The following SOX5 variants were observed in gnomAD, a reference collection of about 807,000 sequenced individuals.
SOX5 encodes the protein transcription factor SOX-5.
In SOX5, 9 loss-of-function variants were observed where a neutral mutation model predicts 92.0. That is an observed-to-expected ratio of 0.10 (90% CI 0.06 to 0.17). The LOEUF is 0.17. Among genes scored for constraint, SOX5 ranks in the 10% least tolerant of loss-of-function variants. The pLI is 1.00. For synonymous variants in SOX5, 344 were observed against 336.3 expected, an observed-to-expected ratio of 1.02 and a Z score of -0.25; for missense variants, 642 against 944.5, an observed-to-expected ratio of 0.68 and a Z score of 4.20.
chr12:24,226,595 G>A (rs1184503879), intron 3 of SOX5, among the ~76,000 whole-genome samples: 1 of 151,902 alleles, frequency 6.6e-6, no homozygotes, highest in Non-Finnish European at 1.5e-5. Flanking sequence ...CTCAACCTCT[G>A]GAGTAACTGG....
At chr12:23,976,315 C>T (rs376437768) in intron 4 of SOX5, among the ~76,000 whole-genome samples, 13 of 146,186 alleles carry the variant, frequency 8.9e-5, no homozygotes, top group East Asian at 8.1e-4. Context: ...TGTGCAGTCC[C>T]GTAAAAGACC....
At chr12:24,190,660 C>T (rs1346085659) in intron 4 of SOX5, among the ~76,000 whole-genome samples, 1 of 152,158 alleles carries the variant, frequency 6.6e-6, no homozygotes, top group African/African-American at 2.4e-5. Flanking sequence ...TAGCAAAAGA[C>T]TCTTAGATAA....
chr12:24,429,845 A>G (rs902948706), intron 1 of SOX5, among the ~76,000 whole-genome samples: 2 of 152,204 alleles, frequency 1.3e-5, no homozygotes, highest in Admixed American at 1.3e-4. Flanking sequence ...AACATCCAAT[A>G]CAACAGGTTA....
intron 1 of SOX5, among the ~76,000 whole-genome samples, chr12:24,428,769 C>T (rs1967061725): frequency 1.0e-5 from 1 of 98,230 alleles, no homozygotes; most frequent in Admixed American, 1.1e-4. Flanking sequence ...AGCTAATTTC[C>T]TCATCATGTT....
chr12:23,616,971 A>C (rs1034771678), intron 8 of SOX5, among the ~76,000 whole-genome samples: 1 of 152,028 alleles, frequency 6.6e-6, no homozygotes, highest in Admixed American at 6.6e-5. Flanking sequence ...ACTTAAAAAT[A>C]AAATAAAATT....
At chr12:24,412,977 G>A (rs891113588) in intron 1 of SOX5, among the ~76,000 whole-genome samples, 3 of 151,892 alleles carry the variant, frequency 2.0e-5, no homozygotes, top group Admixed American at 6.6e-5. Context: ...GGATGGTCTC[G>A]ATCTCCTGAC....
intron 1 of SOX5, among the ~76,000 whole-genome samples, chr12:23,947,184 G>A (rs79718674): frequency 0.014 from 2,129 of 151,940 alleles, 62 homozygotes; most frequent in African/African-American, 0.049. Flanking sequence ...AATTTATTAT[G>A]TCCTCTAGAT....
intron 4 of SOX5, among the ~76,000 whole-genome samples, chr12:23,999,561 C>T (rs928634854): frequency 1.3e-5 from 2 of 152,026 alleles, no homozygotes; most frequent in Non-Finnish European, 2.9e-5. Context: ...TCACACTGTA[C>T]ACCTAGAATA....
At chr12:24,355,268 G>C in intron 2 of SOX5, among the ~76,000 whole-genome samples, 1 of 146,096 alleles carries the variant, frequency 6.8e-6, no homozygotes, top group East Asian at 2.0e-4. Context: ...TAGCAGGTGT[G>C]GTGAGGGGTG....
intron 9 of SOX5, among the ~76,000 whole-genome samples, chr12:23,589,273 A>G (rs929677289): frequency 4.6e-5 from 7 of 151,954 alleles, no homozygotes; most frequent in Non-Finnish European, 8.8e-5. Context: ...CTTTATTTGA[A>G]CTATCAATTA....
chr12:24,053,091 CT>C (rs1478803306), intron 4 of SOX5, among the ~76,000 whole-genome samples: 3 of 152,106 alleles, frequency 2.0e-5, no homozygotes, highest in African/African-American at 7.2e-5. Flanking sequence ...TTTTTCCACC[CT>C]TTGCTTCTTT....
intron 8 of SOX5, among the ~76,000 whole-genome samples, chr12:23,606,819 A>G (rs1472533451): frequency 2.6e-5 from 4 of 152,168 alleles, no homozygotes; most frequent in African/African-American, 9.6e-5. Flanking sequence ...ATTAAGGTGT[A>G]TCTGAGTTAA....
chr12:24,448,683 G>A (rs1210908011), intron 1 of SOX5, among the ~76,000 whole-genome samples: 1 of 152,120 alleles, frequency 6.6e-6, no homozygotes, highest in African/African-American at 2.4e-5. Flanking sequence ...ACTATTAACA[G>A]ATACTTTTGC....
At chr12:23,611,386 G>T (rs550121612) in intron 8 of SOX5, among the ~76,000 whole-genome samples, 1 of 144,362 alleles carries the variant, frequency 6.9e-6, no homozygotes, top group African/African-American at 2.5e-5. Flanking sequence ...GTGTGTGTGT[G>T]TGTGTGTGTA....
Position 23,722,976 on chromosome 12 carries a change from A to C in SOX5, c.810+11708T>G, listed in dbSNP as rs979801550. Among the ~76,000 whole-genome samples, 5 of 152,280 alleles carry C rather than the reference A, an allele frequency of 3.3e-5. 1 individual carries two copies. Among genetic ancestry groups the C allele is most frequent in the Admixed American group, 3.3e-4 (5 of 15,306 alleles). ...AGCATCCTCAATTAGGGGCGGATGA[A>C]GATATAAAGAAAACACATCCTAAAT... On this transcript the variant is annotated intron_variant, in intron 6 of 14. Coordinates refer to ENST00000451604, the MANE Select transcript of SOX5 (RefSeq NM_006940.6).
chr12:24,089,415 A>T (rs1020098133), intron 4 of SOX5, among the ~76,000 whole-genome samples: 2 of 152,122 alleles, frequency 1.3e-5, no homozygotes, highest in Non-Finnish European at 2.9e-5. Flanking sequence ...TGAATATTTT[A>T]ATGCCCTGCC....
At chr12:24,535,425 C>T (rs1288885292) in intron 1 of SOX5, among the ~76,000 whole-genome samples, 1 of 152,142 alleles carries the variant, frequency 6.6e-6, no homozygotes, top group Non-Finnish European at 1.5e-5. Context: ...GTGAGAAGAA[C>T]TAGGACAATA....
chr12:24,138,742 G>C (rs1286844079), intron 4 of SOX5, among the ~76,000 whole-genome samples: 3 of 152,146 alleles, frequency 2.0e-5, no homozygotes, highest in South Asian at 2.1e-4. Flanking sequence ...AGGCGAAAGA[G>C]CAGATAATAA....
intron 10 of SOX5, among the ~76,000 whole-genome samples, chr12:23,568,100 A>G (rs768736168): frequency 1.2e-4 from 19 of 152,302 alleles, no homozygotes; most frequent in Non-Finnish European, 2.4e-4. Context: ...AGGTGAGATC[A>G]CCCTGAAATT....
Sources: gnomAD v4.1 joint callset for allele counts (sites outside exome capture counted in the v4.1 genomes callset) on GRCh38, gnomAD v4.1.1 for gene constraint, MANE v1.5 for transcripts, NCBI Gene and HGNC (gene_info 2026-07-23, HGNC 2026-07-21) for gene names.